IL1RAPL2: variants seen among roughly 807,000 people sequenced by gnomAD.
The protein encoded by IL1RAPL2 is interleukin 1 receptor accessory protein like 2, also known as X-linked interleukin-1 receptor accessory protein-like 2.
Under a neutral mutation model 44.1 loss-of-function variants are expected in IL1RAPL2, and 3 were observed. The observed-to-expected ratio is 0.07, with a 90% CI of 0.03 to 0.18. The LOEUF (loss-of-function observed/expected upper bound fraction) is 0.18, where lower values mean the gene tolerates loss of function less well. Ranked by LOEUF, IL1RAPL2 falls within the 10% of genes least tolerant of loss-of-function variation. IL1RAPL2 has a pLI of 1.00. For missense variants in IL1RAPL2, 391 were observed against 496.4 expected, an observed-to-expected ratio of 0.79 and a Z score of 2.02; for synonymous variants, 181 against 178.8, an observed-to-expected ratio of 1.01 and a Z score of -0.10.
chrX:105,101,177 A>G (rs771476580), intron 2 of IL1RAPL2, among the ~76,000 whole-genome samples: 12 of 112,226 alleles, frequency 1.1e-4, no homozygotes, highest in Non-Finnish European at 2.3e-4. Flanking sequence ...GACGAAAAAA[A>G]TGGCTTCAAC....
intron 2 of IL1RAPL2, among the ~76,000 whole-genome samples, chrX:104,793,707 G>A: frequency 9.0e-6 from 1 of 111,229 alleles, no homozygotes; most frequent in East Asian, 2.8e-4. Context: ...TTGGAGTAGA[G>A]GTAAAGTAAT....
chrX:105,425,821 T>A (rs887392044), intron 5 of IL1RAPL2, among the ~76,000 whole-genome samples: 1 of 108,497 alleles, frequency 9.2e-6, no homozygotes, highest in African/African-American at 3.5e-5. Flanking sequence ...TAGTTTATTT[T>A]AAAAAAATGC....
At position 104,678,115 on chromosome X, in the gene IL1RAPL2, C is replaced by A. The variant is rs766052541; in HGVS notation, c.82+19120C>A. Among the ~76,000 whole-genome samples the A allele has an allele frequency of 5.3e-5, 6 of 112,393 alleles. 1 individual carries two copies. The South Asian group carries it at 1.5e-3, about 28-fold the overall frequency. On this transcript the variant is annotated intron_variant, in intron 2 of 10. Coordinates refer to ENST00000372582, the MANE Select transcript of IL1RAPL2 (RefSeq NM_017416.2). ...CTGTTCCTATTCGGCCATCTTGGCT[C>A]CTCCCCCCAAAATTGCTTTCTTTTT...
intron 2 of IL1RAPL2, among the ~76,000 whole-genome samples, chrX:104,676,175 A>T (rs868181506): frequency 3.6e-5 from 4 of 110,869 alleles, no homozygotes; most frequent in African/African-American, 1.3e-4. Context: ...TCGTTAGTTG[A>T]TGCAGTTTCT....
intron 2 of IL1RAPL2, among the ~76,000 whole-genome samples, chrX:104,842,702 C>G (rs776214559): frequency 2.7e-5 from 3 of 112,294 alleles, no homozygotes; most frequent in Non-Finnish European, 5.6e-5. Flanking sequence ...CCCTTTTCAC[C>G]TGGATATCAC....
chrX:104,583,038 C>T (rs773558340), intron 1 of IL1RAPL2, among the ~76,000 whole-genome samples: 26 of 107,378 alleles, frequency 2.4e-4, no homozygotes, highest in South Asian at 8.3e-4. Flanking sequence ...CAAGCATGTG[C>T]CACCATGCCT....
At chrX:104,847,708 A>C (rs1158508183) in intron 2 of IL1RAPL2, among the ~76,000 whole-genome samples, 1 of 111,740 alleles carries the variant, frequency 8.9e-6, no homozygotes, top group Non-Finnish European at 1.9e-5. Flanking sequence ...ACTTTAAAGT[A>C]GTTTTTTCCA....
intron 1 of IL1RAPL2, among the ~76,000 whole-genome samples, chrX:104,618,315 T>A (rs947192958): frequency 1.8e-5 from 2 of 112,275 alleles, no homozygotes; most frequent in African/African-American, 3.2e-5. Flanking sequence ...TGGTCTGAGC[T>A]CCCTGCTCAG....
intron 2 of IL1RAPL2, among the ~76,000 whole-genome samples, chrX:104,982,751 G>A (rs990865273): frequency 0.034 from 2 of 59 alleles, no homozygotes; most frequent in Non-Finnish European, 0.071. Context: ...CATATATTGC[G>A]TTTTCTGGAA....
At chrX:104,772,514 G>A (rs919380958) in intron 2 of IL1RAPL2, among the ~76,000 whole-genome samples, 1 of 111,955 alleles carries the variant, frequency 8.9e-6, no homozygotes, top group African/African-American at 3.2e-5. Context: ...AATAAATAAA[G>A]CTATCGGTTA....
At chrX:104,798,243 AG>A (rs779368989) in intron 2 of IL1RAPL2, among the ~76,000 whole-genome samples, 3 of 111,488 alleles carry the variant, frequency 2.7e-5, no homozygotes, top group African/African-American at 9.8e-5. Flanking sequence ...CTTTTGGTTA[AG>A]GGGGGCTCCA....
chrX:105,260,644 G>A (rs1435315370), intron 4 of IL1RAPL2, among the ~76,000 whole-genome samples: 1 of 111,849 alleles, frequency 8.9e-6, no homozygotes, highest in East Asian at 2.8e-4. Context: ...GGGAGGTCCC[G>A]TCCAGTGAGG....
chrX:105,041,128 C>T (rs1408958259), intron 2 of IL1RAPL2, among the ~76,000 whole-genome samples: 22 of 108,343 alleles, frequency 2.0e-4, no homozygotes, highest in Admixed American at 6.0e-4. Flanking sequence ...GCCTTCATTT[C>T]GTTATGTACC....
At chrX:104,830,076 T>A (rs1436678886) in intron 2 of IL1RAPL2, among the ~76,000 whole-genome samples, 1 of 111,773 alleles carries the variant, frequency 8.9e-6, no homozygotes, top group African/African-American at 3.3e-5. Flanking sequence ...TGTCTCCTGA[T>A]AACAGAATGA....
intron 5 of IL1RAPL2, among the ~76,000 whole-genome samples, chrX:105,317,791 A>C (rs1198110660): frequency 1.8e-5 from 2 of 110,666 alleles, no homozygotes; most frequent in Non-Finnish European, 3.8e-5. Flanking sequence ...AAAAAGTGAA[A>C]TATGAGAACA....
At chrX:104,938,442 G>A (rs1925079300) in intron 2 of IL1RAPL2, among the ~76,000 whole-genome samples, 1 of 111,801 alleles carries the variant, frequency 8.9e-6, no homozygotes, top group South Asian at 3.7e-4. Context: ...TGTCAACAGT[G>A]TGTGACAATG....
intron 2 of IL1RAPL2, among the ~76,000 whole-genome samples, chrX:104,716,394 A>G (rs1201567874): frequency 9.0e-6 from 1 of 111,676 alleles, no homozygotes; most frequent in East Asian, 2.8e-4. Flanking sequence ...TGAAGACACC[A>G]AAAGCAATTG....
chrX:104,630,902 A>G (rs761400367), intron 1 of IL1RAPL2, among the ~76,000 whole-genome samples: 1 of 108,744 alleles, frequency 9.2e-6, no homozygotes, highest in Non-Finnish European at 1.9e-5. Flanking sequence ...GGTTAGTTAC[A>G]TATGTATACA....
chrX:104,674,125 C>T (rs1353759727), intron 2 of IL1RAPL2, among the ~76,000 whole-genome samples: 2 of 111,747 alleles, frequency 1.8e-5, no homozygotes, highest in Admixed American at 1.9e-4. Flanking sequence ...GCCAGAACTT[C>T]CAACACTATG....
Sources: allele counts gnomAD v4.1 joint callset (sites outside exome capture counted in the v4.1 genomes callset), GRCh38; gene constraint gnomAD v4.1.1; transcripts MANE v1.5; gene names NCBI Gene and HGNC (gene_info 2026-07-23, HGNC 2026-07-21).